The following ANKRD18A variants were observed in gnomAD, a reference collection of about 807,000 sequenced individuals.
The protein encoded by ANKRD18A is ankyrin repeat domain 18A.
ANKRD18A carries 72 observed loss-of-function variants against 110.6 expected under a neutral mutation model. The observed-to-expected ratio is 0.65, with a 90% CI of 0.54 to 0.79. The LOEUF (loss-of-function observed/expected upper bound fraction) is 0.79, where lower values mean the gene tolerates loss of function less well. Ranked by LOEUF, ANKRD18A falls within the 30% of genes least tolerant of loss-of-function variation. The probability of loss-of-function intolerance (pLI) is 0.00; values close to 1 mark genes in which losing one functional copy is unlikely to be tolerated. For synonymous variants in ANKRD18A, 305 were observed against 410.3 expected (o/e 0.74, Z 3.10); for missense variants, 934 against 1,163.3 (o/e 0.80, Z 2.87).
intron 10 of ANKRD18A, among the ~76,000 whole-genome samples, chr9:38,590,160 TTTC>T (rs1256051401): frequency 2.0e-5 from 3 of 152,082 alleles, no homozygotes; most frequent in African/African-American, 2.4e-5. Flanking sequence ...TCTTTCTTTC[TTTC>T]TTTTTCCTTC....
intron 11 of ANKRD18A, among the ~76,000 whole-genome samples, chr9:38,588,011 C>A (rs942288327): frequency 6.6e-6 from 1 of 152,112 alleles, no homozygotes; most frequent in African/African-American, 2.4e-5. Flanking sequence ...TCACTTGAAC[C>A]CAGGTGGCAG....
chr9:38,608,339 A>G (rs1413965730), intron 5 of ANKRD18A, among the ~76,000 whole-genome samples: 4 of 151,990 alleles, frequency 2.6e-5, no homozygotes, highest in Non-Finnish European at 5.9e-5. Context: ...TCCAACTGAC[A>G]TACAAGACAA....
At chr9:38,566,898 AG>A (rs1363951435), downstream of ANKRD18A, 2 of 152,218 alleles carry the variant, frequency 1.3e-5, no homozygotes, top group African/African-American at 2.4e-5. Context: ...ACCATTCATG[AG>A]AAATTTGCCT....
chr9:38,574,125 G>A (rs1823777564), intron 15 of ANKRD18A, among the ~76,000 whole-genome samples: 1 of 152,150 alleles, frequency 6.6e-6, no homozygotes, highest in South Asian at 2.1e-4. Context: ...CACCTGATGT[G>A]TAGCTCCCAC....
chr9:38,575,722 G>C, intron 14 of ANKRD18A, 24 bp from the exon 15 acceptor site: 1 of 1,519,516 alleles, frequency 6.6e-7, no homozygotes, highest in Non-Finnish European at 8.8e-7. Context: ...AAAGACAAAT[G>C]CTTAGTATTT....
chr9:38,579,426 C>T (rs1824053217), intron 12 of ANKRD18A, among the ~76,000 whole-genome samples: 1 of 151,948 alleles, frequency 6.6e-6, no homozygotes, highest in South Asian at 2.1e-4. Context: ...ATACACAAGA[C>T]AAATATCCAA....
chr9:38,572,314 G>C, intron 15 of ANKRD18A: 1 of 301,922 alleles, frequency 3.3e-6, no homozygotes, highest in Non-Finnish European at 6.2e-6. Context: ...GCCAGCACTG[G>C]AATTACAAGA....
Position 38,620,390 on chromosome 9 carries a change from C to T in ANKRD18A, c.-105G>A. ...CAAATCCGCGATCTCCCCCGCAACC[C>T]GCGATCCCCCCCGCAACCCGCGATC... On this transcript the variant is annotated 5_prime_UTR_variant, in exon 1 of 16. Transcript: ENST00000399703. 1 of 1,347,498 alleles carries T rather than the reference C, an allele frequency of 7.4e-7. No individual in the cohort carries two copies. 83.5% of individuals were successfully genotyped at this position (1,347,498 alleles called of 1,614,324 possible).
chr9:38,588,227 T>A (rs908897671), intron 11 of ANKRD18A, among the ~76,000 whole-genome samples: 1 of 152,214 alleles, frequency 6.6e-6, no homozygotes, highest in Admixed American at 6.5e-5. Flanking sequence ...GCAGCTCAGC[T>A]GACTTCCACC....
chr9:38,602,158 T>G (rs1165893079), intron 7 of ANKRD18A, among the ~76,000 whole-genome samples: 4 of 150,552 alleles, frequency 2.7e-5, no homozygotes, highest in Non-Finnish European at 5.9e-5. Flanking sequence ...CATCAGGTCT[T>G]TGCATGTCTA....
chr9:38,620,014 G>C, intron 1 of ANKRD18A, 66 bp downstream of exon 1: 2 of 1,530,896 alleles, frequency 1.3e-6, no homozygotes, highest in Non-Finnish European at 1.8e-6. Flanking sequence ...CGCCCCAGGG[G>C]CTGCCGGGCT....
intron 10 of ANKRD18A, among the ~76,000 whole-genome samples, chr9:38,593,157 C>T (rs943643281): frequency 2.0e-5 from 3 of 152,196 alleles, no homozygotes; most frequent in African/African-American, 7.2e-5. Flanking sequence ...TTTCTGAGCT[C>T]TCCATTTTGG....
rs1824877139 is a variant in ANKRD18A at position 38,596,271 on chromosome 9, G to A, written c.1069C>T (p.Gln357Ter). ...DSLRKEKKYI[Q>*]EIKSITEINA... Reference sequence around the variant, plus strand: ...ATTTCTGTAATGCTTTTAATTTCCTGAATATATTTCTTTTCCTTTCTGAGA... The same window carrying A: ...ATTTCTGTAATGCTTTTAATTTCCTAAATATATTTCTTTTCCTTTCTGAGA... The change falls in exon 9 of 16, where the codon CAG becomes TAG. Residue 357 changes from glutamine to a stop codon, truncating the protein, a stop_gained. Coordinates refer to ENST00000399703, the MANE Select transcript of ANKRD18A (RefSeq NM_147195.4). LOFTEE classifies it high-confidence loss of function. The A allele has an allele frequency of 6.5e-7, 1 of 1,538,644 alleles. No homozygotes were observed. The highest frequency in any genetic ancestry group is 8.7e-7 in the Non-Finnish European group (1 of 1,143,060).
intron 11 of ANKRD18A, among the ~76,000 whole-genome samples, chr9:38,587,992 G>A (rs1824456694): frequency 6.6e-6 from 1 of 152,148 alleles, no homozygotes; most frequent in South Asian, 2.1e-4. Flanking sequence ...GGAGGCTGAG[G>A]CAAGAGAATC....
At chr9:38,613,229 C>T (rs1013848344) in intron 3 of ANKRD18A, among the ~76,000 whole-genome samples, 1 of 150,568 alleles carries the variant, frequency 6.6e-6, no homozygotes, top group African/African-American at 2.4e-5. Context: ...CGCAGCAGAC[C>T]AAGCAGTGAT....
intron 5 of ANKRD18A, among the ~76,000 whole-genome samples, chr9:38,608,397 C>T (rs920868163): frequency 6.6e-6 from 1 of 151,848 alleles, no homozygotes; most frequent in African/African-American, 2.4e-5. Flanking sequence ...TTGATGTTTC[C>T]TCATTTCCAA....
chr9:38,579,718 G>A (rs935105056), intron 12 of ANKRD18A, among the ~76,000 whole-genome samples: 3 of 152,184 alleles, frequency 2.0e-5, no homozygotes, highest in Non-Finnish European at 2.9e-5. Flanking sequence ...ACTCTTACAT[G>A]CTGTTCGTGG....
Position 38,588,557 on chromosome 9 carries a change from G to A in ANKRD18A, c.2111C>T (p.Ala704Val), listed in dbSNP as rs532315472. Residue 704 changes from alanine to valine, a missense_variant, in exon 11 of 16, where the codon GCA becomes GTA. Physicochemically the swap from Ala to Val is moderately conservative, Grantham distance 64. Coordinates refer to ENST00000399703, the MANE Select transcript of ANKRD18A (RefSeq NM_147195.4). ...TACAATATGAAAACCATACCCAGTT[G>A]CCTCTTCTTCTAATTCACGATTTTT... ...RKKNRELEEE[A>V]TGYKKCLEMT... 139 of 1,342,952 alleles carry A rather than the reference G, an allele frequency of 1.0e-4. No individual in the cohort carries two copies. Among genetic ancestry groups the A allele is most frequent in the Middle Eastern group, 2.0e-4 (1 of 5,128 alleles). 83.2% of individuals were successfully genotyped at this position (1,342,952 alleles called of 1,614,324 possible).
At chr9:38,573,083 C>A (rs1194590333) in intron 15 of ANKRD18A, 1 of 1,416,870 alleles carries the variant, frequency 7.1e-7, no homozygotes, top group South Asian at 1.7e-5. Context: ...TGGCAACATA[C>A]TTTTCTTTGT....
Sources: allele counts gnomAD v4.1 joint callset (sites outside exome capture counted in the v4.1 genomes callset), GRCh38; gene constraint gnomAD v4.1.1; transcripts MANE v1.5; gene names NCBI Gene and HGNC (gene_info 2026-07-23, HGNC 2026-07-21).